Variants in GRIK4 observed in about 807,000 individuals in gnomAD.
GRIK4 encodes glutamate receptor ionotropic, kainate 4.
In GRIK4, 40 loss-of-function variants were observed where a neutral mutation model predicts 104.9. That is an observed-to-expected ratio of 0.38 (90% CI 0.30 to 0.50). GRIK4 has a LOEUF of 0.50. Among genes scored for constraint, GRIK4 ranks in the 20% least tolerant of loss-of-function variants. The probability of loss-of-function intolerance (pLI) is 0.93; values close to 1 mark genes in which losing one functional copy is unlikely to be tolerated. For missense variants in GRIK4, 1,047 were observed against 1,308.1 expected (o/e 0.80, Z 3.08); for synonymous variants, 485 against 524.9 (o/e 0.92, Z 1.04).
intron 1 of GRIK4, among the ~76,000 whole-genome samples, chr11:120,611,872 G>A (rs769317651): frequency 2.6e-5 from 4 of 152,204 alleles, no homozygotes; most frequent in Non-Finnish European, 2.9e-5. Context: ...AAGCCAGTGC[G>A]TGTGAACCTG....
chr11:120,921,238 C>T (rs562450290), intron 13 of GRIK4, among the ~76,000 whole-genome samples: 13 of 152,268 alleles, frequency 8.5e-5, no homozygotes, highest in African/African-American at 3.1e-4. Context: ...TGACTGTCTC[C>T]GCTCACTAGA....
chr11:120,585,832 T>C (rs1445091978), intron 1 of GRIK4, among the ~76,000 whole-genome samples: 1 of 152,112 alleles, frequency 6.6e-6, no homozygotes, highest in African/African-American at 2.4e-5. Context: ...AGGTGTGATT[T>C]TGGATGTGGA....
chr11:120,655,177 T>C (rs1289973722), intron 2 of GRIK4, among the ~76,000 whole-genome samples: 1 of 151,880 alleles, frequency 6.6e-6, no homozygotes, highest in Non-Finnish European at 1.5e-5. Flanking sequence ...TGTGTCCCAG[T>C]GAGGCATGTT....
At chr11:120,579,066 T>C (rs1948527518) in intron 1 of GRIK4, among the ~76,000 whole-genome samples, 1 of 152,126 alleles carries the variant, frequency 6.6e-6, no homozygotes, top group Non-Finnish European at 1.5e-5. Flanking sequence ...TACCTGAATA[T>C]GATAGTCCAG....
Position 120,905,216 on chromosome 11 carries a change from C to CGG in GRIK4, c.1273-74_1273-73insGG. On this transcript the variant is annotated intron_variant, in intron 12 of 20. Transcript: ENST00000527524. The surrounding 1 kb of genome is among the most constrained non-coding windows in gnomAD (Gnocchi z 5.1). ...ATGTCCTCCCCGACCCTCTGTGCCC[C>CGG]TGGCCCTCCCCATCACACGCGGGTG... 3.6e-6 allele frequency: 4 copies of CGG among 1,100,460 alleles called. No individual in the cohort carries two copies. Among genetic ancestry groups the CGG allele is most frequent in the Non-Finnish European group, 5.6e-6 (4 of 716,836 alleles). The allele number at this position is 1,100,460 out of a possible 1,614,324, so 68.2% of individuals were successfully genotyped here.
chr11:120,620,736 A>G (rs1351714167), intron 1 of GRIK4, among the ~76,000 whole-genome samples: 4 of 152,186 alleles, frequency 2.6e-5, no homozygotes, highest in Non-Finnish European at 5.9e-5. Context: ...CACATCAGGT[A>G]TTGTAGTATT....
chr11:120,702,141 A>T (rs1950562789), intron 3 of GRIK4, among the ~76,000 whole-genome samples: 1 of 152,064 alleles, frequency 6.6e-6, no homozygotes, highest in South Asian at 2.1e-4. Flanking sequence ...TTTTTAGTAG[A>T]GATGGGGTTT....
intron 3 of GRIK4, among the ~76,000 whole-genome samples, chr11:120,718,291 ACAG>A (rs60130476): frequency 0.053 from 8,014 of 152,130 alleles, 690 homozygotes; most frequent in African/African-American, 0.18. Context: ...CTTTCTGGAA[ACAG>A]CAGAAAAAGC....
rs112739482 is a variant in GRIK4 at position 120,772,622 on chromosome 11, G to A, written c.83-30071G>A. Among the ~76,000 whole-genome samples, 578 of 152,180 alleles carry A rather than the reference G, an allele frequency of 3.8e-3. 4 individuals are homozygous for A. Among genetic ancestry groups the A allele is most frequent in the Non-Finnish European group, 5.7e-3 (390 of 67,998 alleles). ...GCAAGCTTGAACTAGGCTGGTAGGT[G>A]AGAACAGGTGGTGTATGTGCGCGCG... On this transcript the variant is annotated intron_variant, in intron 3 of 20. Coordinates refer to ENST00000527524, the MANE Select transcript of GRIK4 (RefSeq NM_014619.5).
rs746867503 is a variant in GRIK4 at position 120,836,087 on chromosome 11, A to T, written c.691-704A>T. The stretch of plus-strand genomic sequence containing the variant: ...CTCTGACAGAGTGGAGTTGATTTGC[A>T]TTGCTACAACCTACGGACTCTCTTA... On this transcript the variant is annotated intron_variant, in intron 7 of 20. Transcript: ENST00000527524. Among the ~76,000 whole-genome samples the T allele has an allele frequency of 2.6e-5, 4 of 152,320 alleles. No individual in the cohort carries two copies. The East Asian group carries it at 7.7e-4, about 29-fold the overall frequency.
At chr11:120,785,127 C>T (rs936883189) in intron 3 of GRIK4, among the ~76,000 whole-genome samples, 9 of 152,254 alleles carry the variant, frequency 5.9e-5, no homozygotes, top group South Asian at 2.1e-4. Flanking sequence ...CTGTCACCGG[C>T]GGGCCATTAG....
At chr11:120,954,832 A>ACACACAC (rs1944103422) in intron 15 of GRIK4, among the ~76,000 whole-genome samples, 5 of 7,972 alleles carry the variant, frequency 6.3e-4, no homozygotes, top group Non-Finnish European at 1.4e-3. Flanking sequence ...CACACACACA[A>ACACACAC]ACAATACTGG....
At chr11:120,618,602 G>C (rs1949144416) in intron 1 of GRIK4, among the ~76,000 whole-genome samples, 1 of 152,256 alleles carries the variant, frequency 6.6e-6, no homozygotes. Flanking sequence ...GGACATAATG[G>C]TGTCGTGGGC....
intron 1 of GRIK4, among the ~76,000 whole-genome samples, chr11:120,585,407 TG>T (rs1253259068): frequency 6.6e-6 from 1 of 151,630 alleles, no homozygotes; most frequent in African/African-American, 2.4e-5. Context: ...CGAGGTGCAG[TG>T]GACCTATCTC....
chr11:120,867,195 A>T (rs1467455693), intron 9 of GRIK4, among the ~76,000 whole-genome samples: 1 of 152,102 alleles, frequency 6.6e-6, no homozygotes, highest in Non-Finnish European at 1.5e-5. Flanking sequence ...CACGGCAGCG[A>T]CAATAGCAAC....
chr11:120,985,002 T>C (rs1944716770), intron 20 of GRIK4, among the ~76,000 whole-genome samples: 1 of 151,656 alleles, frequency 6.6e-6, no homozygotes, highest in South Asian at 2.1e-4. Flanking sequence ...CTAAATTTTG[T>C]GGTTTTAGTA....
intron 8 of GRIK4, among the ~76,000 whole-genome samples, chr11:120,856,236 G>A (rs1954102101): frequency 6.6e-6 from 1 of 152,212 alleles, no homozygotes; most frequent in Admixed American, 6.5e-5. Context: ...GTGGCCAAAT[G>A]AGGGTTTGAA....
chr11:120,707,040 A>G (rs1225371456), intron 3 of GRIK4, among the ~76,000 whole-genome samples: 1 of 152,204 alleles, frequency 6.6e-6, no homozygotes, highest in African/African-American at 2.4e-5. Context: ...CTCCTGGGAC[A>G]ACCACACAGA....
At chr11:120,512,477 AC>A (rs1000209353) in intron 1 of GRIK4, among the ~76,000 whole-genome samples, 1 of 136,750 alleles carries the variant, frequency 7.3e-6, no homozygotes, top group Non-Finnish European at 1.6e-5. Flanking sequence ...CCACCACCAC[AC>A]CCCCCCACCC....
Sources: gnomAD v4.1 joint callset for allele counts (sites outside exome capture counted in the v4.1 genomes callset) on GRCh38, gnomAD v4.1.1 for gene constraint, Gnocchi (gnomAD v3.1) non-coding constraint, MANE v1.5 for transcripts, NCBI Gene and HGNC (gene_info 2026-07-23, HGNC 2026-07-21) for gene names.